The following MYO6 variants were observed in gnomAD, a reference collection of about 807,000 sequenced individuals.
MYO6 encodes the protein unconventional myosin-VI.
MYO6 carries 74 observed loss-of-function variants against 178.7 expected under a neutral mutation model. The ratio of observed to expected loss-of-function variants is 0.41; its 90% CI spans 0.34 to 0.50. The LOEUF (loss-of-function observed/expected upper bound fraction) is 0.50. Among genes scored for constraint, MYO6 ranks in the 20% least tolerant of loss-of-function variants. The probability of loss-of-function intolerance (pLI) is 0.09; values close to 1 mark genes in which losing one functional copy is unlikely to be tolerated. For missense variants in MYO6, 1,330 were observed against 1,547.4 expected, an observed-to-expected ratio of 0.86 and a Z score of 2.36; for synonymous variants, 477 against 504.6, an observed-to-expected ratio of 0.95 and a Z score of 0.73.
intron 30 of MYO6, among the ~76,000 whole-genome samples, chr6:75,905,329 C>T (rs967817646): frequency 5.9e-5 from 9 of 152,340 alleles, no homozygotes; most frequent in Admixed American, 2.6e-4. Context: ...GCCTCACTGC[C>T]GCCTTGCAGT....
chr6:75,886,681 CAT>C (rs1265698889), intron 24 of MYO6, among the ~76,000 whole-genome samples, 161 bp from the exon 25 acceptor site: 5 of 152,108 alleles, frequency 3.3e-5, no homozygotes, highest in African/African-American at 1.2e-4. Context: ...CATTCACACT[CAT>C]ATTTGATTTT....
intron 20 of MYO6, among the ~76,000 whole-genome samples, chr6:75,875,185 T>A (rs1777478144): frequency 6.6e-6 from 1 of 152,226 alleles, no homozygotes; most frequent in Non-Finnish European, 1.5e-5. Context: ...TCTGTCAGTT[T>A]AGTAGCCATG....
At chr6:75,761,899 T>C (rs1168022220) in intron 1 of MYO6, among the ~76,000 whole-genome samples, 1 of 152,012 alleles carries the variant, frequency 6.6e-6, no homozygotes, top group East Asian at 1.9e-4. Context: ...ATGAGTGATC[T>C]AAAATCATCC....
chr6:75,821,725 C>CT (rs1350455704), intron 2 of MYO6, among the ~76,000 whole-genome samples: 1 of 152,062 alleles, frequency 6.6e-6, no homozygotes, highest in African/African-American at 2.4e-5. Flanking sequence ...CAATTAGAAA[C>CT]TTCAGCCACA....
At chr6:75,900,622 T>G (rs1034069025) in intron 30 of MYO6, among the ~76,000 whole-genome samples, 1 of 152,222 alleles carries the variant, frequency 6.6e-6, no homozygotes, top group Non-Finnish European at 1.5e-5. Context: ...CATTGTAGAT[T>G]CTGGATATTA....
intron 18 of MYO6, among the ~76,000 whole-genome samples, chr6:75,868,761 C>T (rs190581151): frequency 6.6e-6 from 1 of 152,230 alleles, no homozygotes; most frequent in African/African-American, 2.4e-5. Context: ...TACAGCAATA[C>T]TTCAGTTATC....
intron 3 of MYO6, among the ~76,000 whole-genome samples, chr6:75,825,694 T>C (rs1772395957): frequency 6.6e-6 from 1 of 152,230 alleles, no homozygotes; most frequent in African/African-American, 2.4e-5. Context: ...TTAGAATTGA[T>C]TGACTTCTGT....
At chr6:75,892,014 A>G (rs1368258553) in intron 27 of MYO6, among the ~76,000 whole-genome samples, 2 of 152,202 alleles carry the variant, frequency 1.3e-5, no homozygotes, top group Admixed American at 6.5e-5. Flanking sequence ...ATTCACTTAA[A>G]ATGTTAAGTT....
chr6:75,846,690 T>C (rs1247051770), intron 10 of MYO6, among the ~76,000 whole-genome samples: 2 of 152,088 alleles, frequency 1.3e-5, no homozygotes, highest in African/African-American at 2.4e-5. Flanking sequence ...TTCACTAAGA[T>C]AATGGAGACC....
intron 29 of MYO6, among the ~76,000 whole-genome samples, chr6:75,896,892 A>C (rs922320551): frequency 2.0e-5 from 3 of 152,250 alleles, no homozygotes; most frequent in Non-Finnish European, 4.4e-5. Flanking sequence ...CTAAGGTGAA[A>C]TTATATTTGC....
chr6:75,850,930 C>T (rs1775206822), intron 11 of MYO6, among the ~76,000 whole-genome samples: 1 of 151,372 alleles, frequency 6.6e-6, no homozygotes, highest in Admixed American at 6.6e-5. Flanking sequence ...TAGATATGTT[C>T]TTAATGTGCA....
intron 26 of MYO6, among the ~76,000 whole-genome samples, chr6:75,890,973 C>T (rs1778859829): frequency 6.6e-6 from 1 of 152,188 alleles, no homozygotes; most frequent in African/African-American, 2.4e-5. Flanking sequence ...CAGGACCTTA[C>T]AGCCAGGCTT....
chr6:75,890,783 C>T (rs1324626709), intron 26 of MYO6, among the ~76,000 whole-genome samples: 1 of 152,120 alleles, frequency 6.6e-6, no homozygotes, highest in Non-Finnish European at 1.5e-5. Context: ...GCCTCTTACA[C>T]CTGAGGATTT....
At chr6:75,853,060 G>T (rs1775421181) in intron 11 of MYO6, among the ~76,000 whole-genome samples, 1 of 152,076 alleles carries the variant, frequency 6.6e-6, no homozygotes, top group South Asian at 2.1e-4. Context: ...TCTTTTTGTG[G>T]TTTTTATTTG....
chr6:75,900,608 A>G (rs1779686998), intron 30 of MYO6, among the ~76,000 whole-genome samples: 2 of 152,102 alleles, frequency 1.3e-5, no homozygotes, highest in East Asian at 1.9e-4. Flanking sequence ...AATTTGTTTG[A>G]GTTCATTGTA....
At chr6:75,771,098 G>A (rs1490720962) in intron 1 of MYO6, among the ~76,000 whole-genome samples, 1 of 151,740 alleles carries the variant, frequency 6.6e-6, no homozygotes, top group South Asian at 2.1e-4. Context: ...GACCTCCTGG[G>A]CTCAAGTGAT....
In MYO6 at chr6:75,836,587, C is replaced by CTT. The variant is rs575271701; in HGVS notation, c.553+643_553+644dup. Among the ~76,000 whole-genome samples the CTT allele has an allele frequency of 3.5e-3, 495 of 143,108 alleles. 3 individuals are homozygous for CTT. The highest frequency in any genetic ancestry group is 0.012 in the African/African-American group (470 of 39,176). 93.9% of individuals were successfully genotyped at this position (143,108 alleles called of 152,430 possible). A position where few individuals can be genotyped will look rare whatever the true frequency, so the allele number is the denominator to read the frequency against. On this transcript the variant is annotated intron_variant, in intron 7 of 34. Transcript: ENST00000369977. ...AATAATTTCTTTTTCTTTTTCTTTT[C>CTT]TTTTTTTTTTTTTGAGGTGGAATCT...
intron 1 of MYO6, among the ~76,000 whole-genome samples, chr6:75,785,727 G>T (rs9447555): frequency 0.055 from 8,264 of 151,208 alleles, 494 homozygotes; most frequent in African/African-American, 0.15. Context: ...ACATATAGAT[G>T]TATGACCCAC....
At chr6:75,861,570 A>G (rs963146169) in intron 15 of MYO6, among the ~76,000 whole-genome samples, 2 of 152,226 alleles carry the variant, frequency 1.3e-5, no homozygotes, top group Admixed American at 6.5e-5. Context: ...CAGCAAGAGA[A>G]TAGAGGCTCT....
Sources: allele counts gnomAD v4.1 joint callset (sites outside exome capture counted in the v4.1 genomes callset), GRCh38; gene constraint gnomAD v4.1.1; transcripts MANE v1.5; gene names NCBI Gene and HGNC (gene_info 2026-07-23, HGNC 2026-07-21).